The following PAX5 variants were observed in gnomAD, a reference collection of about 807,000 sequenced individuals.
PAX5 encodes the protein paired box 5.
PAX5 carries 9 observed loss-of-function variants against 43.7 expected under a neutral mutation model. That is an observed-to-expected ratio of 0.21 (90% CI 0.12 to 0.36). The LOEUF is 0.36. Among genes scored for constraint, PAX5 ranks in the 10% least tolerant of loss-of-function variants. PAX5 has a pLI of 1.00. For missense variants in PAX5, 383 were observed against 532.7 expected (o/e 0.72, Z 2.77); for synonymous variants, 228 against 214.3 (o/e 1.06, Z -0.56).
chr9:36,937,660 C>T (rs1260299547), intron 6 of PAX5, among the ~76,000 whole-genome samples: 1 of 152,180 alleles, frequency 6.6e-6, no homozygotes, highest in Non-Finnish European at 1.5e-5. Context: ...GCCGGGCGCC[C>T]TCTCACTTTC....
intron 1 of PAX5, chr9:37,026,421 C>G: frequency 1.1e-6 from 1 of 946,294 alleles, no homozygotes; most frequent in East Asian, 4.8e-5. Context: ...AAGTTAGCTG[C>G]GCGGCTGCAG....
chr9:36,923,505 G>A lies in PAX5; in HGVS notation c.781-21C>T, dbSNP rs202195546. The A allele has an allele frequency of 2.1e-3, 3,323 of 1,598,846 alleles. 2 individuals are homozygous for A. The highest frequency in any genetic ancestry group is 2.5e-3 in the Non-Finnish European group (2,969 of 1,175,506). On this transcript the variant is annotated intron_variant, in intron 6 of 9. Transcript: ENST00000358127. ...GTGGTCTGAAAGAAGAAACAGAGACGTCTCAGCACCAAGACTCCACAGTAC... is the reference window on the plus strand; with the variant it reads ...GTGGTCTGAAAGAAGAAACAGAGACATCTCAGCACCAAGACTCCACAGTAC...
chr9:36,919,527 A>G (rs1215566463), intron 7 of PAX5, among the ~76,000 whole-genome samples: 1 of 152,186 alleles, frequency 6.6e-6, no homozygotes, highest in Non-Finnish European at 1.5e-5. Flanking sequence ...GAAAGAATTC[A>G]CTATTAAAGA....
intron 7 of PAX5, among the ~76,000 whole-genome samples, chr9:36,892,455 C>A (rs531956715): frequency 6.6e-6 from 1 of 152,166 alleles, no homozygotes; most frequent in African/African-American, 2.4e-5. Context: ...ATTTAAGTAC[C>A]GCAGCCACTC....
intron 5 of PAX5, among the ~76,000 whole-genome samples, chr9:36,984,599 C>A (rs1836240222): frequency 6.6e-6 from 1 of 151,722 alleles, no homozygotes; most frequent in African/African-American, 2.4e-5. Context: ...CACAACCACG[C>A]CAGGCTAATT....
At chr9:36,918,440 A>G (rs1010135882) in intron 7 of PAX5, among the ~76,000 whole-genome samples, 2 of 152,158 alleles carry the variant, frequency 1.3e-5, no homozygotes, top group African/African-American at 4.8e-5. Flanking sequence ...AGGTGGGAGG[A>G]TTGCTTGAGC....
At chr9:36,896,578 CA>C (rs951817430) in intron 7 of PAX5, among the ~76,000 whole-genome samples, 3 of 152,184 alleles carry the variant, frequency 2.0e-5, no homozygotes, top group Non-Finnish European at 4.4e-5. Flanking sequence ...CATCCCTCTC[CA>C]GCCCTCCCTT....
chr9:36,981,313 CAT>C (rs1835911469), intron 5 of PAX5, among the ~76,000 whole-genome samples: 1 of 151,798 alleles, frequency 6.6e-6, no homozygotes, highest in East Asian at 1.9e-4. Flanking sequence ...GAACGTCACT[CAT>C]GTGGGCAAAC....
intron 8 of PAX5, among the ~76,000 whole-genome samples, chr9:36,851,462 A>G (rs924250913): frequency 1.3e-5 from 2 of 152,190 alleles, no homozygotes; most frequent in Non-Finnish European, 2.9e-5. Flanking sequence ...AATCAGAGGA[A>G]GGAGCCAGCG....
At chr9:36,931,656 C>T (rs4369064) in intron 6 of PAX5, among the ~76,000 whole-genome samples, 1 of 151,926 alleles carries the variant, frequency 6.6e-6, no homozygotes, top group Non-Finnish European at 1.5e-5. Context: ...CAAGACCAGC[C>T]TGGCCAACAC....
intron 6 of PAX5, among the ~76,000 whole-genome samples, chr9:36,964,589 GCT>G (rs1382255413): frequency 1.5e-5 from 2 of 129,920 alleles, no homozygotes; most frequent in African/African-American, 6.1e-5. Flanking sequence ...CAAAACTCCA[GCT>G]CACAAAAAAA....
At chr9:36,858,221 A>G (rs963921010) in intron 8 of PAX5, among the ~76,000 whole-genome samples, 2 of 152,270 alleles carry the variant, frequency 1.3e-5, no homozygotes, top group African/African-American at 4.8e-5. Flanking sequence ...TCCTTGGCAC[A>G]CAGCACATGC....
intron 8 of PAX5, among the ~76,000 whole-genome samples, chr9:36,872,987 C>T (rs542727399): frequency 6.3e-4 from 96 of 152,352 alleles, no homozygotes; most frequent in Non-Finnish European, 1.3e-3. Context: ...CCAGCTCCCT[C>T]CCTGATGCCC....
intron 6 of PAX5, among the ~76,000 whole-genome samples, chr9:36,944,231 C>G (rs1404695485): frequency 6.6e-6 from 1 of 152,160 alleles, no homozygotes; most frequent in Non-Finnish European, 1.5e-5. Flanking sequence ...GACCCAACAA[C>G]AAACACATGG....
Position 37,003,172 on chromosome 9 carries a change from A to C in PAX5, c.476-396T>G, listed in dbSNP as rs939569387. Among the ~76,000 whole-genome samples, 157 of 150,386 alleles carry C rather than the reference A, an allele frequency of 1.0e-3. 1 individual carries two copies. Among genetic ancestry groups the C allele is most frequent in the African/African-American group, 3.5e-3 (144 of 40,650 alleles). ...CAGTGCTTAAAAAAAAAAAAAAAAA[A>C]AAAAAAAAACCTGAACTACTCGTTA... On this transcript the variant is annotated intron_variant, in intron 4 of 9. Transcript: ENST00000358127.
intron 8 of PAX5, among the ~76,000 whole-genome samples, chr9:36,876,973 A>G (rs2131734068): frequency 6.6e-6 from 1 of 152,358 alleles, no homozygotes; most frequent in South Asian, 2.1e-4. Context: ...CTGTGGAAGC[A>G]TAGCCCAAGG....
At chr9:36,995,843 C>A (rs1837345727) in intron 5 of PAX5, among the ~76,000 whole-genome samples, 1 of 152,144 alleles carries the variant, frequency 6.6e-6, no homozygotes, top group Non-Finnish European at 1.5e-5. Context: ...AGGGTGCTAC[C>A]CTCTGCCCCC....
intron 5 of PAX5, among the ~76,000 whole-genome samples, chr9:36,968,803 A>C (rs940240887): frequency 9.2e-5 from 14 of 152,178 alleles, no homozygotes; most frequent in African/African-American, 3.4e-4. Context: ...CCACAAGGTC[A>C]CCTAGACTAG....
chr9:36,833,588 TG>T lies in PAX5; in HGVS notation c.*6971del, dbSNP rs1821430005. On this transcript the variant is annotated 3_prime_UTR_variant, in exon 10 of 10. Coordinates refer to ENST00000358127, the MANE Select transcript of PAX5 (RefSeq NM_016734.3). ...TTCTCCCAAGTCCCACCCCTAGCCC[TG>T]CCCTCCTCCCCAAAAAAGAAAAATA... 4.4e-6 allele frequency: 1 copy of T among 225,058 alleles called. No individual in the cohort carries two copies. Among genetic ancestry groups the T allele is most frequent in the Admixed American group, 5.7e-5 (1 of 17,462 alleles). 13.9% of individuals were successfully genotyped at this position (225,058 alleles called of 1,614,324 possible).
Sources: allele counts gnomAD v4.1 joint callset (sites outside exome capture counted in the v4.1 genomes callset), GRCh38; gene constraint gnomAD v4.1.1; transcripts MANE v1.5; gene names NCBI Gene and HGNC (gene_info 2026-07-23, HGNC 2026-07-21).